Variants in PPARGC1A observed in about 807,000 individuals in gnomAD.
PPARGC1A encodes PPARG coactivator 1 alpha, also known as peroxisome proliferator-activated receptor gamma coactivator 1-alpha.
A neutral mutation model predicts 88.7 loss-of-function variants in PPARGC1A; 25 were observed. The ratio of observed to expected loss-of-function variants is 0.28; its 90% confidence interval spans 0.21 to 0.39. The LOEUF (loss-of-function observed/expected upper bound fraction) is 0.39, where lower values mean the gene tolerates loss of function less well. Ranked by LOEUF, PPARGC1A falls within the 10% of genes least tolerant of loss-of-function variation. The pLI is 1.00. For synonymous variants in PPARGC1A, 363 were observed against 355.6 expected (o/e 1.02, Z -0.24); for missense variants, 880 against 968.7 (o/e 0.91, Z 1.22).
chr4:23,921,651 T>C, the PPARGC1A span, among the ~76,000 whole-genome samples: 9 of 152,334 alleles, frequency 5.9e-5, no homozygotes, highest in African/African-American at 2.2e-4. Context: ...AAGCGCACTT[T>C]GTGTGTGGCT....
the PPARGC1A span, among the ~76,000 whole-genome samples, chr4:24,199,016 C>T: frequency 1.3e-5 from 2 of 152,138 alleles, no homozygotes; most frequent in Non-Finnish European, 2.9e-5. Flanking sequence ...CATCTGTTGC[C>T]CTCTCTGCCA....
At chr4:23,921,985 T>C in the PPARGC1A span, among the ~76,000 whole-genome samples, 1 of 152,336 alleles carries the variant, frequency 6.6e-6, no homozygotes, top group Non-Finnish European at 1.5e-5. Flanking sequence ...GTTCATTCAT[T>C]CCACAAACAT....
the PPARGC1A span, among the ~76,000 whole-genome samples, chr4:24,360,762 T>A: frequency 6.6e-6 from 1 of 152,184 alleles, no homozygotes; most frequent in African/African-American, 2.4e-5. Context: ...AAGAATAGCA[T>A]CTAACCCATA....
the PPARGC1A span, among the ~76,000 whole-genome samples, chr4:24,319,094 C>T: frequency 6.6e-6 from 1 of 152,070 alleles, no homozygotes; most frequent in Non-Finnish European, 1.5e-5. Context: ...CGGTTGTAAT[C>T]CCACACTTCG....
At chr4:24,108,146 G>C in the PPARGC1A span, among the ~76,000 whole-genome samples, 2 of 152,108 alleles carry the variant, frequency 1.3e-5, no homozygotes, top group Non-Finnish European at 2.9e-5. Flanking sequence ...GCCTTGGTTA[G>C]CTTAAAAAAG....
chr4:24,310,930 T>G, the PPARGC1A span, among the ~76,000 whole-genome samples: 23 of 152,142 alleles, frequency 1.5e-4, no homozygotes, highest in Non-Finnish European at 4.4e-5. Flanking sequence ...ACAGCTTGAC[T>G]CAATGAGGTA....
Position 23,829,515 on chromosome 4 carries a change from T to C in PPARGC1A, c.500A>G (p.Gln167Arg). 2 of 1,613,820 alleles carry C rather than the reference T, an allele frequency of 1.2e-6. No homozygotes were observed. Among genetic ancestry groups the C allele is most frequent in the East Asian group, 4.5e-5 (2 of 44,884 alleles). Residue 167 changes from glutamine (Q) to arginine (R), a missense_variant, in exon 4 of 13, where the codon CAG (glutamine) becomes CGG (arginine). By Grantham distance (43) the Gln-to-Arg change is conservative. Transcript: ENST00000264867. ...SYNECSGLST[Q>R]NHANHNHRIR... ...CCTGTGATTGTGATTTGCATGGTTC[T>C]GGGTACTGAGACCACTGCATTCATT...
At chr4:24,043,741 G>A in the PPARGC1A span, among the ~76,000 whole-genome samples, 2 of 152,122 alleles carry the variant, frequency 1.3e-5, no homozygotes, top group African/African-American at 4.8e-5. Context: ...GTAACTAAGA[G>A]GATTGTATAT....
the PPARGC1A span, among the ~76,000 whole-genome samples, chr4:24,443,306 T>C: frequency 6.7e-6 from 1 of 148,170 alleles, no homozygotes; most frequent in Admixed American, 6.9e-5. Flanking sequence ...CCGTAAAGAG[T>C]AGGGAAGGAA....
chr4:24,002,859 T>C, the PPARGC1A span, among the ~76,000 whole-genome samples: 1 of 152,174 alleles, frequency 6.6e-6, no homozygotes, highest in Non-Finnish European at 1.5e-5. Context: ...GTGCCAGTCA[T>C]ACATGCTAAA....
the PPARGC1A span, among the ~76,000 whole-genome samples, chr4:24,280,561 G>C: frequency 3.3e-5 from 5 of 152,052 alleles, no homozygotes; most frequent in Non-Finnish European, 4.4e-5. Context: ...GGGAAGGAGA[G>C]AGGAAAGAAA....
the PPARGC1A span, among the ~76,000 whole-genome samples, chr4:24,153,152 T>C: frequency 1.6e-4 from 24 of 152,022 alleles, no homozygotes; most frequent in African/African-American, 5.1e-4. Context: ...GAGCATAGAG[T>C]GTTTTCTGAA....
the PPARGC1A span, among the ~76,000 whole-genome samples, chr4:24,093,664 G>A: frequency 3.9e-5 from 6 of 152,158 alleles, no homozygotes; most frequent in Admixed American, 3.3e-4. Context: ...CATCCCATAA[G>A]GACAACTGGG....
At chr4:24,445,217 T>G in the PPARGC1A span, among the ~76,000 whole-genome samples, 1 of 152,140 alleles carries the variant, frequency 6.6e-6, no homozygotes, top group African/African-American at 2.4e-5. Context: ...ATCACCCCAG[T>G]CAACAAGGAA....
the PPARGC1A span, among the ~76,000 whole-genome samples, chr4:23,923,127 T>G: frequency 2.4e-4 from 36 of 151,954 alleles, no homozygotes; most frequent in African/African-American, 6.5e-4. Context: ...TTTTTTTTTT[T>G]TTTTTTTTTA....
chr4:24,088,380 GGAAGAAGGAAGAAA>G, the PPARGC1A span, among the ~76,000 whole-genome samples: 1 of 151,140 alleles, frequency 6.6e-6, no homozygotes, highest in African/African-American at 2.4e-5. Context: ...GAAAGAAGAA[GGAAGAAGGAAGAAA>G]GAAGAAGGAA....
At chr4:24,066,261 C>T in the PPARGC1A span, among the ~76,000 whole-genome samples, 1 of 152,060 alleles carries the variant, frequency 6.6e-6, no homozygotes, top group Non-Finnish European at 1.5e-5. Context: ...TGAAAATCGC[C>T]TTCCACAAAC....
the PPARGC1A span, among the ~76,000 whole-genome samples, chr4:23,923,916 TC>T: frequency 6.6e-6 from 1 of 152,188 alleles, no homozygotes; most frequent in Non-Finnish European, 1.5e-5. Context: ...AGGACTACAC[TC>T]CAGAGTACAA....
the PPARGC1A span, among the ~76,000 whole-genome samples, chr4:24,083,189 G>C: frequency 1.8e-4 from 27 of 152,178 alleles, no homozygotes; most frequent in Middle Eastern, 3.4e-3. Context: ...TGGCTTCCAG[G>C]GATTGATACA....
Sources: allele counts gnomAD v4.1 joint callset (sites outside exome capture counted in the v4.1 genomes callset), GRCh38; gene constraint gnomAD v4.1.1; transcripts MANE v1.5; gene names NCBI Gene and HGNC (gene_info 2026-07-23, HGNC 2026-07-21).